The following ZNF737 variants were observed in gnomAD, a reference collection of about 807,000 sequenced individuals.
The protein encoded by ZNF737 is zinc finger protein 737.
Under a neutral mutation model 11.7 loss-of-function variants are expected in ZNF737, and 13 were observed. That is an observed-to-expected ratio of 1.11 (90% confidence interval 0.73 to 1.77). ZNF737 has a LOEUF of 1.77. ZNF737 is among the 40% of genes most tolerant of loss of function. ZNF737 has a pLI of 0.00. For missense variants in ZNF737, 636 were observed against 638.0 expected (o/e 1.00, Z 0.03); for synonymous variants, 217 against 216.2 (o/e 1.00, Z -0.03).
chr19:20,531,576 C>T (rs1967830072), downstream of ZNF737, among the ~76,000 whole-genome samples: 1 of 149,416 alleles, frequency 6.7e-6, no homozygotes, highest in Admixed American at 6.7e-5. Flanking sequence ...CTGCCTCTGC[C>T]TCCCTAGTAG....
intron 1 of ZNF737, among the ~76,000 whole-genome samples, chr19:20,560,870 G>T (rs1480924431): frequency 6.6e-6 from 1 of 152,126 alleles, no homozygotes; most frequent in Admixed American, 6.6e-5. Flanking sequence ...TAAATAATAA[G>T]AACACACAAA....
In ZNF737 at chr19:20,552,521, T is replaced by C; in HGVS notation, c.180A>G (p.Lys60=). Reference sequence around the variant, plus strand: ...CATGTTTCTTCATGGTCAAAGGTTTTTTTCCTTGCTCCAGACAGGTGATGA... The same window carrying C: ...CATGTTTCTTCATGGTCAAAGGTTTCTTTCCTTGCTCCAGACAGGTGATGA... ...PDLITCLEQG[K]KPLTMKKHEM... is the part of the protein sequence containing the mutation. The change falls in exon 3 of 4, where the codon AAA becomes AAG. Residue 60 remains lysine, a synonymous_variant. Coordinates refer to ENST00000427401, the MANE Select transcript of ZNF737 (RefSeq NM_001159293.2). The C allele has an allele frequency of 6.3e-7, 1 of 1,595,346 alleles. No individual in the cohort carries two copies. The highest frequency in any genetic ancestry group is 8.5e-7 in the Non-Finnish European group (1 of 1,173,892).
intron 1 of ZNF737, among the ~76,000 whole-genome samples, chr19:20,564,837 A>C (rs1393003192): frequency 9.0e-6 from 1 of 111,134 alleles, no homozygotes; most frequent in Admixed American, 9.0e-5. Context: ...AAAAAATCTA[A>C]GCTCATGTGC....
In ZNF737 at chr19:20,539,397, A is replaced by G. The variant is rs1236455876; in HGVS notation, c.*5195T>C. On this transcript the variant is annotated 3_prime_UTR_variant, in exon 4 of 4. Transcript: ENST00000427401. Reference sequence around the variant, plus strand: ...CCAGGATTTCAGATTTCAAAAGGTCAAAAACAATCATTGAGCAAAGCTTAA... The same window carrying G: ...CCAGGATTTCAGATTTCAAAAGGTCGAAAACAATCATTGAGCAAAGCTTAA... 7 of 984,774 alleles carry G rather than the reference A, an allele frequency of 7.1e-6. No homozygotes were observed. The African/African-American group carries it at 8.8e-5, about 12-fold the overall frequency. 61.0% of individuals were successfully genotyped at this position (984,774 alleles called of 1,614,324 possible).
At chr19:20,559,055 A>G (rs1968989406) in intron 1 of ZNF737, among the ~76,000 whole-genome samples, 1 of 152,250 alleles carries the variant, frequency 6.6e-6, no homozygotes, top group Non-Finnish European at 1.5e-5. Flanking sequence ...ACTTAAATGT[A>G]AGCTTAAAAT....
downstream of ZNF737, among the ~76,000 whole-genome samples, chr19:20,537,334 G>A (rs1189056369): frequency 6.6e-6 from 1 of 151,402 alleles, no homozygotes; most frequent in African/African-American, 2.4e-5. Flanking sequence ...CCCAGTAGCT[G>A]GGATTACAGG....
chr19:20,535,772 C>T (rs1311413837), downstream of ZNF737: 1 of 151,752 alleles, frequency 6.6e-6, no homozygotes, highest in Admixed American at 6.6e-5. Context: ...ACTGATCCAC[C>T]CACCTCAGCC....
downstream of ZNF737, among the ~76,000 whole-genome samples, chr19:20,533,563 A>G (rs1967881095): frequency 6.7e-6 from 1 of 150,036 alleles, no homozygotes; most frequent in Admixed American, 6.6e-5. Context: ...GCAGGTGTAG[A>G]ATTAATTGCC....
intron 1 of ZNF737, among the ~76,000 whole-genome samples, chr19:20,562,940 C>T (rs186460085): frequency 6.6e-6 from 1 of 151,766 alleles, no homozygotes; most frequent in African/African-American, 2.4e-5. Flanking sequence ...CTCCGTTTGC[C>T]ATTCACCTCC....
intron 3 of ZNF737, among the ~76,000 whole-genome samples, chr19:20,548,976 A>AAC (rs1439016355): frequency 1.6e-5 from 2 of 123,080 alleles, no homozygotes; most frequent in African/African-American, 3.1e-5. Context: ...AAAAAAAAAA[A>AAC]AAAACAATTA....
chr19:20,531,089 G>C (rs531493951), downstream of ZNF737, among the ~76,000 whole-genome samples: 22 of 146,354 alleles, frequency 1.5e-4, 2 homozygotes, highest in Admixed American at 4.0e-4. Context: ...CCAGTCAGGC[G>C]TGGCGGCGCG....
chr19:20,535,018 AAT>A (rs1234302184), downstream of ZNF737, among the ~76,000 whole-genome samples: 5 of 150,184 alleles, frequency 3.3e-5, no homozygotes, highest in African/African-American at 1.2e-4. Flanking sequence ...TATATATTAA[AAT>A]TAAAATACTT....
downstream of ZNF737, among the ~76,000 whole-genome samples, chr19:20,535,518 C>A (rs1297398479): frequency 7.3e-6 from 1 of 136,186 alleles, no homozygotes; most frequent in South Asian, 2.5e-4. Flanking sequence ...AGAAAAAAAA[C>A]AAAATCCTCG....
In ZNF737 at chr19:20,545,534, A is replaced by G. The variant is rs187919890; in HGVS notation, c.669T>C (p.His223=). The G allele has an allele frequency of 3.9e-5, 63 of 1,613,646 alleles. No individual in the cohort carries two copies. In the Admixed American group the frequency reaches 4.7e-4, roughly 12 times the overall value. ...SSHLTTHKRI[H]TGEKRYKCED... ...CACATTTGTACCGTTTCTCTCCAGT[A>G]TGAATTCTCTTATGTGTAGTAAGGT... is the stretch of plus-strand genomic sequence containing the variant. Residue 223 remains histidine (H), a synonymous_variant, in exon 4 of 4, where the codon CAT becomes CAC. Transcript: ENST00000427401.
chr19:20,537,511 ATTTTTTTTT>A (rs1163609628), downstream of ZNF737, among the ~76,000 whole-genome samples: 5 of 77,090 alleles, frequency 6.5e-5, no homozygotes, highest in South Asian at 5.6e-4. Flanking sequence ...CTGGTTTTCT[ATTTTTTTTT>A]TTTTTTTTTT....
In ZNF737 at chr19:20,540,516, C is replaced by T. The variant is rs942014027; in HGVS notation, c.*4076G>A. ...TGGCTCATGATTCTAATACCAGCAC[C>T]GTGGGAGGCTGAAGCAGGCAGATCA... On this transcript the variant is annotated 3_prime_UTR_variant, in exon 4 of 4. Coordinates refer to ENST00000427401, the MANE Select transcript of ZNF737 (RefSeq NM_001159293.2). 1.1e-4 allele frequency among the ~76,000 whole-genome samples: 16 copies of T among 152,054 alleles called. No individual in the cohort carries two copies. The highest frequency in any genetic ancestry group is 3.1e-4 in the African/African-American group (13 of 41,416).
chr19:20,557,545 G>A (rs1322527481), intron 1 of ZNF737, among the ~76,000 whole-genome samples: 3 of 148,458 alleles, frequency 2.0e-5, no homozygotes, highest in Non-Finnish European at 4.4e-5. Flanking sequence ...GTATTTTCTA[G>A]CCACTGCCCT....
chr19:20,551,975 A>T (rs1299850001), intron 3 of ZNF737, among the ~76,000 whole-genome samples: 2 of 142,108 alleles, frequency 1.4e-5, no homozygotes, highest in African/African-American at 5.4e-5. Context: ...AAAAAAAAAA[A>T]GAACAAAGCA....
downstream of ZNF737, among the ~76,000 whole-genome samples, chr19:20,534,357 G>A (rs576934888): frequency 4.7e-5 from 7 of 149,948 alleles, no homozygotes; most frequent in African/African-American, 1.2e-4. Flanking sequence ...CAGCAGAATC[G>A]CTTTAACCAG....
Sources: gnomAD v4.1 joint callset for allele counts (sites outside exome capture counted in the v4.1 genomes callset) on GRCh38, gnomAD v4.1.1 for gene constraint, MANE v1.5 for transcripts, NCBI Gene and HGNC (gene_info 2026-07-23, HGNC 2026-07-21) for gene names.